YTHDC2: variants seen among roughly 807,000 people sequenced by gnomAD.
YTHDC2 encodes 3'-5' RNA helicase YTHDC2.
YTHDC2 carries 45 observed loss-of-function variants against 174.9 expected under a neutral mutation model. The observed-to-expected ratio is 0.26, with a 90% CI of 0.20 to 0.33. The LOEUF (loss-of-function observed/expected upper bound fraction) is 0.33. Ranked by LOEUF, YTHDC2 falls within the 10% of genes least tolerant of loss-of-function variation. YTHDC2 has a pLI of 1.00. For missense variants in YTHDC2, 1,650 were observed against 1,723.7 expected (o/e 0.96, Z 0.76); for synonymous variants, 657 against 574.5 (o/e 1.14, Z -2.05).
chr5:113,585,274 A>C (rs1580650026), intron 26 of YTHDC2, among the ~76,000 whole-genome samples: 1 of 152,282 alleles, frequency 6.6e-6, no homozygotes, highest in East Asian at 1.9e-4. Context: ...ATCTTTAAAA[A>C]AACTTGTAAT....
At chr5:113,549,101 T>G in intron 12 of YTHDC2, 81 bp downstream of exon 12, 1 of 1,206,256 alleles carries the variant, frequency 8.3e-7, no homozygotes, top group Non-Finnish European at 1.2e-6. Context: ...GCTATTCAAA[T>G]GTAGACCATT....
At chr5:113,514,354 T>C (rs1773249706) in intron 1 of YTHDC2, 1 of 656,758 alleles carries the variant, frequency 1.5e-6, no homozygotes, top group African/African-American at 1.8e-5. Context: ...TTCAGCAGCC[T>C]TGGGCGGTTA....
intron 26 of YTHDC2, among the ~76,000 whole-genome samples, chr5:113,586,991 AAT>A (rs1778726504): frequency 2.8e-4 from 1 of 3,534 alleles, no homozygotes; most frequent in Non-Finnish European, 4.4e-4. Context: ...ATAATATATA[AAT>A]ATATATTATG....
intron 1 of YTHDC2, among the ~76,000 whole-genome samples, chr5:113,514,797 A>C (rs186187492): frequency 6.6e-6 from 1 of 152,360 alleles, no homozygotes; most frequent in African/African-American, 2.4e-5. Context: ...ATCCCTCTGA[A>C]ATAGTGAAAT....
At chr5:113,584,040 T>C (rs1179708169) in intron 25 of YTHDC2, 2 of 256,304 alleles carry the variant, frequency 7.8e-6, no homozygotes, top group Non-Finnish European at 1.5e-5. Context: ...TTTTATTTTA[T>C]TTAACAGATA....
intron 23 of YTHDC2, among the ~76,000 whole-genome samples, chr5:113,578,803 C>T (rs1203815939): frequency 1.3e-5 from 2 of 152,102 alleles, no homozygotes; most frequent in African/African-American, 4.8e-5. Flanking sequence ...TTAAGGATAT[C>T]TCTGATTTCT....
At chr5:113,537,865 T>C (rs1580520113) in intron 7 of YTHDC2, among the ~76,000 whole-genome samples, 1 of 152,154 alleles carries the variant, frequency 6.6e-6, no homozygotes, top group Admixed American at 6.5e-5. Context: ...ATCACCTGAA[T>C]CACAAACCTA....
intron 25 of YTHDC2, chr5:113,582,121 C>T (rs1778438040): frequency 1.3e-5 from 2 of 153,156 alleles, no homozygotes; most frequent in African/African-American, 4.8e-5. Context: ...TAAGCCTTAT[C>T]TAGATATCAA....
chr5:113,531,565 A>G (rs1774671403), intron 4 of YTHDC2, among the ~76,000 whole-genome samples: 1 of 152,034 alleles, frequency 6.6e-6, no homozygotes, highest in African/African-American at 2.4e-5. Flanking sequence ...TTTTAAGAGA[A>G]TTCAGCTGCC....
At chr5:113,544,699 T>G (rs1312688167) in intron 10 of YTHDC2, among the ~76,000 whole-genome samples, 2 of 151,990 alleles carry the variant, frequency 1.3e-5, no homozygotes, top group African/African-American at 4.8e-5. Context: ...ATTTTTTGTT[T>G]TTTTTTTGGG....
intron 23 of YTHDC2, among the ~76,000 whole-genome samples, chr5:113,575,374 C>T (rs1777975904): frequency 6.6e-6 from 1 of 152,118 alleles, no homozygotes; most frequent in Admixed American, 6.5e-5. Flanking sequence ...TGAGGGTAGA[C>T]AGACAGTAAA....
intron 12 of YTHDC2, 86 bp downstream of exon 12, chr5:113,549,106 A>T (rs972026825): frequency 8.7e-6 from 10 of 1,155,564 alleles, no homozygotes; most frequent in Non-Finnish European, 1.2e-5. Context: ...TCAAATGTAG[A>T]CCATTTATAG....
intron 10 of YTHDC2, among the ~76,000 whole-genome samples, chr5:113,547,521 T>A (rs79177131): frequency 0.033 from 5,011 of 152,242 alleles, 268 homozygotes; most frequent in African/African-American, 0.11. Flanking sequence ...CAGTGCAAGT[T>A]CATCAGTTGT....
intron 18 of YTHDC2, among the ~76,000 whole-genome samples, chr5:113,562,047 G>A (rs1313416518): frequency 6.7e-6 from 1 of 148,410 alleles, no homozygotes; most frequent in Non-Finnish European, 1.5e-5. Context: ...TAGCTTCTAG[G>A]GAAGATTAGC....
chr5:113,535,294 A>G (rs1774977859), intron 6 of YTHDC2, among the ~76,000 whole-genome samples: 2 of 152,194 alleles, frequency 1.3e-5, no homozygotes, highest in Admixed American at 6.5e-5. Flanking sequence ...TAGGTAGTCT[A>G]GAGATGATTT....
rs1310315470 is a variant in YTHDC2 at position 113,563,440 on chromosome 5, C to A, written c.2390C>A (p.Ala797Asp). The part of the protein sequence containing the change: ...NCPIADFLMK[A>D]PEPPPALIVR... ...CCCATTGCTGATTTTCTTATGAAAGCTCCTGAACCTCCACCAGCTTTAATT... is the reference window on the plus strand; with the variant it reads ...CCCATTGCTGATTTTCTTATGAAAGATCCTGAACCTCCACCAGCTTTAATT... Residue 797 changes from alanine to aspartate, a missense_variant, in exon 19 of 30, where the codon GCT becomes GAT. Physicochemically the swap from Ala to Asp is moderately radical, Grantham distance 126. Coordinates refer to ENST00000161863, the MANE Select transcript of YTHDC2 (RefSeq NM_022828.5). 2 of 1,611,172 alleles carry A rather than the reference C, an allele frequency of 1.2e-6. No individual in the cohort carries two copies.
In YTHDC2 at chr5:113,515,262, T is replaced by C. The variant is rs1258778582; in HGVS notation, c.188-10T>C. On this transcript the variant is annotated splice_polypyrimidine_tract_variant and intron_variant, in intron 1 of 29. Transcript: ENST00000161863. ...TACAAATTTTACTACTTTGTTTTTTTTCCGTGTAGAAATGGAATTTCCTTC... is the reference window on the plus strand; with the variant it reads ...TACAAATTTTACTACTTTGTTTTTTCTCCGTGTAGAAATGGAATTTCCTTC... 1 of 1,594,660 alleles carries C rather than the reference T, an allele frequency of 6.3e-7. No individual in the cohort carries two copies. The highest frequency in any genetic ancestry group is 8.5e-7 in the Non-Finnish European group (1 of 1,174,824).
At chr5:113,559,563 G>A (rs1246629953) in intron 17 of YTHDC2, among the ~76,000 whole-genome samples, 2 of 152,152 alleles carry the variant, frequency 1.3e-5, no homozygotes, top group African/African-American at 2.4e-5. Flanking sequence ...TCTCATTTGT[G>A]CCCTAGTTGA....
chr5:113,535,318 G>A (rs28637026), intron 6 of YTHDC2, among the ~76,000 whole-genome samples: 2,649 of 152,046 alleles, frequency 0.017, 32 homozygotes, highest in Non-Finnish European at 0.022. Context: ...GTATATGGAA[G>A]GATTTGCATA....
Sources: gnomAD v4.1 joint callset for allele counts (sites outside exome capture counted in the v4.1 genomes callset) on GRCh38, gnomAD v4.1.1 for gene constraint, MANE v1.5 for transcripts, NCBI Gene and HGNC (gene_info 2026-07-23, HGNC 2026-07-21) for gene names.